The following AK5 variants were observed in gnomAD, a reference collection of about 807,000 sequenced individuals.
The protein encoded by AK5 is adenylate kinase isoenzyme 5.
Under a neutral mutation model 69.5 loss-of-function variants are expected in AK5, and 27 were observed. The ratio of observed to expected loss-of-function variants is 0.39; its 90% CI spans 0.29 to 0.54. The LOEUF is 0.54. Ranked by LOEUF, AK5 falls within the 20% of genes least tolerant of loss-of-function variation. The pLI is 0.71. For missense variants in AK5, 531 were observed against 700.4 expected (o/e 0.76, Z 2.73); for synonymous variants, 260 against 244.4 (o/e 1.06, Z -0.60).
intron 5 of AK5, among the ~76,000 whole-genome samples, chr1:77,318,483 TC>T (rs1660359064): frequency 6.6e-6 from 1 of 152,124 alleles, no homozygotes; most frequent in South Asian, 2.1e-4. Context: ...AATGTCACCT[TC>T]ACTAGTCTTC....
intron 5 of AK5, among the ~76,000 whole-genome samples, chr1:77,307,417 A>G (rs1659705057): frequency 6.6e-6 from 1 of 151,792 alleles, no homozygotes; most frequent in African/African-American, 2.4e-5. Context: ...TATTTTTTCC[A>G]GAATTCCTCT....
At chr1:77,544,558 C>CT (rs1659442491) in intron 13 of AK5, among the ~76,000 whole-genome samples, 1 of 149,226 alleles carries the variant, frequency 6.7e-6, no homozygotes, top group Non-Finnish European at 1.5e-5. Context: ...ACTTTTTAAG[C>CT]TTTTTTTCTT....
chr1:77,531,818 G>T (rs1481376145), intron 12 of AK5, among the ~76,000 whole-genome samples: 18 of 151,308 alleles, frequency 1.2e-4, no homozygotes, highest in Admixed American at 3.3e-4. Context: ...TGCGCTCGTC[G>T]GGGAGGCTGG....
chr1:77,487,037 A>G (rs1655649949), intron 10 of AK5, among the ~76,000 whole-genome samples: 1 of 152,244 alleles, frequency 6.6e-6, no homozygotes, highest in African/African-American at 2.4e-5. Context: ...CTCAATAGCC[A>G]GATCCTGATT....
At chr1:77,381,885 T>G (rs12140779) in intron 6 of AK5, among the ~76,000 whole-genome samples, 1,905 of 152,304 alleles carry the variant, frequency 0.013, 14 homozygotes, top group Admixed American at 0.017. Context: ...GGATGCTAGA[T>G]AGCATTAAAA....
At chr1:77,510,442 G>T (rs977479628) in intron 10 of AK5, among the ~76,000 whole-genome samples, 9 of 152,116 alleles carry the variant, frequency 5.9e-5, no homozygotes, top group African/African-American at 2.2e-4. Flanking sequence ...ATGTGATGAG[G>T]TATGAGATAG....
chr1:77,391,495 G>GTGTATATATATATATATACATATATA (rs1425180466), intron 6 of AK5, among the ~76,000 whole-genome samples: 1 of 63,452 alleles, frequency 1.6e-5, no homozygotes, highest in Non-Finnish European at 3.2e-5. Context: ...GTGTGTGTGT[G>GTGTATATATATATATATACATATATA]TATATATATA....
intron 8 of AK5, among the ~76,000 whole-genome samples, chr1:77,444,256 G>C (rs1371814580): frequency 2.5e-5 from 1 of 40,764 alleles, no homozygotes; most frequent in Non-Finnish European, 4.8e-5. Context: ...CACAACATAT[G>C]TGTATATATA....
chr1:77,558,873 A>T lies in AK5; in HGVS notation c.*203A>T, dbSNP rs1255625164. The T allele has an allele frequency of 7.3e-6, 4 of 549,398 alleles. No homozygotes were observed. Among genetic ancestry groups the T allele is most frequent in the Non-Finnish European group, 1.3e-5 (4 of 299,976 alleles). 34.0% of individuals were successfully genotyped at this position (549,398 alleles called of 1,614,324 possible). On this transcript the variant is annotated 3_prime_UTR_variant, in exon 14 of 14. Transcript: ENST00000354567. The stretch of plus-strand genomic sequence containing the variant: ...TGCATGGTGTATTTGGGACTATATC[A>T]ACCTATTCTCCACACTTCAGACAAC...
intron 5 of AK5, 34 bp downstream of exon 5, chr1:77,297,981 C>A (rs768069035): frequency 6.8e-7 from 1 of 1,479,232 alleles, no homozygotes; most frequent in Non-Finnish European, 9.2e-7. Flanking sequence ...AAATGAACTA[C>A]TTTTTGCTTA....
At chr1:77,426,169 C>T (rs2100600600) in intron 8 of AK5, among the ~76,000 whole-genome samples, 1 of 152,242 alleles carries the variant, frequency 6.6e-6, no homozygotes, top group East Asian at 1.9e-4. Flanking sequence ...CTAAGCACAC[C>T]TATCAAATGA....
intron 8 of AK5, among the ~76,000 whole-genome samples, chr1:77,465,377 T>G (rs973659271): frequency 4.6e-5 from 7 of 151,954 alleles, no homozygotes; most frequent in Non-Finnish European, 4.4e-5. Flanking sequence ...TGAAAAAAAA[T>G]GAAAAAATAA....
At chr1:77,539,208 G>C (rs551741962) in intron 13 of AK5, among the ~76,000 whole-genome samples, 1 of 152,214 alleles carries the variant, frequency 6.6e-6, no homozygotes, top group East Asian at 1.9e-4. Context: ...GGTTCGGCCT[G>C]TTGGGCCCAG....
intron 8 of AK5, among the ~76,000 whole-genome samples, chr1:77,445,825 T>A (rs2100647936): frequency 6.6e-6 from 1 of 152,334 alleles, no homozygotes; most frequent in South Asian, 2.1e-4. Flanking sequence ...CCTCAAGTGA[T>A]CCACCTTCCT....
chr1:77,340,686 G>A, intron 6 of AK5, 118 bp downstream of exon 6: 2 of 720,388 alleles, frequency 2.8e-6, no homozygotes, highest in East Asian at 3.0e-5. Context: ...GGGGGGTACA[G>A]AACCAATGGA....
At chr1:77,444,167 C>A (rs1362369108) in intron 8 of AK5, among the ~76,000 whole-genome samples, 25 of 142,580 alleles carry the variant, frequency 1.8e-4, no homozygotes, top group African/African-American at 6.4e-4. Flanking sequence ...CTCTCTCACT[C>A]TCTCTCTATA....
At chr1:77,475,227 C>T (rs1428335569) in intron 8 of AK5, among the ~76,000 whole-genome samples, 1 of 140,726 alleles carries the variant, frequency 7.1e-6, no homozygotes, top group Non-Finnish European at 1.5e-5. Flanking sequence ...TCTATATACT[C>T]CATATATAGA....
At chr1:77,358,446 C>A (rs1028111717) in intron 6 of AK5, among the ~76,000 whole-genome samples, 1 of 152,036 alleles carries the variant, frequency 6.6e-6, no homozygotes, top group Non-Finnish European at 1.5e-5. Flanking sequence ...TTCTCATCTC[C>A]ATGTCTTGAG....
intron 8 of AK5, among the ~76,000 whole-genome samples, chr1:77,451,422 A>G (rs993468488): frequency 8.5e-5 from 13 of 152,132 alleles, no homozygotes; most frequent in African/African-American, 3.1e-4. Flanking sequence ...GGAACACCAT[A>G]TTTATTTTCA....
Sources: allele counts gnomAD v4.1 joint callset (sites outside exome capture counted in the v4.1 genomes callset), GRCh38; gene constraint gnomAD v4.1.1; transcripts MANE v1.5; gene names NCBI Gene and HGNC (gene_info 2026-07-23, HGNC 2026-07-21).